Variants in PTPRN2 observed in about 807,000 individuals in gnomAD.
The protein encoded by PTPRN2 is receptor-type tyrosine-protein phosphatase N2.
Under a neutral mutation model 118.8 loss-of-function variants are expected in PTPRN2, and 74 were observed. The ratio of observed to expected loss-of-function variants is 0.62; its 90% CI spans 0.52 to 0.76. The LOEUF (loss-of-function observed/expected upper bound fraction) is 0.76, where lower values mean the gene tolerates loss of function less well. Among genes scored for constraint, PTPRN2 ranks in the 30% least tolerant of loss-of-function variants. The pLI, the probability that PTPRN2 is intolerant of heterozygous loss-of-function variation, is 0.00. For synonymous variants in PTPRN2, 641 were observed against 608.0 expected (o/e 1.05, Z -0.80); for missense variants, 1,481 against 1,394.4 (o/e 1.06, Z -0.99).
At chr7:158,145,149 G>A (rs941959616) in intron 6 of PTPRN2, among the ~76,000 whole-genome samples, 2 of 151,938 alleles carry the variant, frequency 1.3e-5, no homozygotes, top group East Asian at 1.9e-4. Flanking sequence ...ACCACGGCTC[G>A]GCAAGACTTC....
intron 2 of PTPRN2, among the ~76,000 whole-genome samples, chr7:158,332,611 C>A (rs536169014): frequency 6.6e-6 from 1 of 150,816 alleles, no homozygotes; most frequent in East Asian, 2.0e-4. Flanking sequence ...AGAAGTGACA[C>A]CTGCAGATGT....
At chr7:158,299,032 G>A (rs1800689463) in intron 3 of PTPRN2, among the ~76,000 whole-genome samples, 1 of 152,152 alleles carries the variant, frequency 6.6e-6, no homozygotes, top group African/African-American at 2.4e-5. Flanking sequence ...AAATCCAGCA[G>A]GATGTTCATG....
At chr7:157,998,426 C>T (rs1157844481) in intron 11 of PTPRN2, among the ~76,000 whole-genome samples, 7 of 152,166 alleles carry the variant, frequency 4.6e-5, no homozygotes, top group Non-Finnish European at 8.8e-5. Context: ...GCGTGAGACG[C>T]GGAGGAGCAG....
At position 157,933,496 on chromosome 7, in the gene PTPRN2, CTGAT is replaced by C. The variant is rs756091515; in HGVS notation, c.1724-34763_1724-34760del. Among the ~76,000 whole-genome samples the C allele has an allele frequency of 9.1e-5, 13 of 143,276 alleles. No homozygotes were observed. The South Asian group carries it at 1.4e-3, about 15-fold the overall frequency. 94.0% of individuals were successfully genotyped at this position (143,276 alleles called of 152,430 possible). ...AGTTTTAGAGGAGGGGTGAGTCACT[CTGAT>C]TGACAGCTTTAGAGGAAGGGTGAGT... On this transcript the variant is annotated intron_variant, in intron 11 of 22. Transcript: ENST00000389418.
At chr7:157,757,132 G>C (rs565780823) in intron 12 of PTPRN2, among the ~76,000 whole-genome samples, 2 of 151,040 alleles carry the variant, frequency 1.3e-5, no homozygotes, top group African/African-American at 4.9e-5. Flanking sequence ...ACCCCCTAAA[G>C]AGATCATTAT....
chr7:158,491,399 A>AC (rs1248141573), intron 1 of PTPRN2, among the ~76,000 whole-genome samples: 1 of 151,830 alleles, frequency 6.6e-6, no homozygotes, highest in African/African-American at 2.4e-5. Flanking sequence ...TGGACACCCC[A>AC]CCCATTGACG....
At chr7:158,201,151 G>A (rs1010984608) in intron 4 of PTPRN2, among the ~76,000 whole-genome samples, 1 of 151,746 alleles carries the variant, frequency 6.6e-6, no homozygotes, top group Non-Finnish European at 1.5e-5. Context: ...CCCGGGCTCA[G>A]GTGATCCTCT....
intron 2 of PTPRN2, among the ~76,000 whole-genome samples, chr7:158,399,663 GAAAGA>G (rs1172625055): frequency 2.0e-5 from 3 of 151,790 alleles, no homozygotes; most frequent in African/African-American, 4.8e-5. Context: ...CTCAAGAAAA[GAAAGA>G]AAAGAAAAGA....
At chr7:158,135,140 T>G (rs1818699500) in intron 8 of PTPRN2, among the ~76,000 whole-genome samples, 1 of 152,196 alleles carries the variant, frequency 6.6e-6, no homozygotes, top group African/African-American at 2.4e-5. Context: ...AACCATGAAA[T>G]TATATCTTCA....
rs551524503 is a variant in PTPRN2 at position 157,728,528 on chromosome 7, A to G, written c.1789-45591T>C. 2.4e-4 allele frequency among the ~76,000 whole-genome samples: 36 copies of G among 152,232 alleles called. No homozygotes were observed. In the South Asian group the frequency reaches 6.4e-3, roughly 27 times the overall value. ...AGCTTTAAAGTTCAAGGATAACTCAAATTGGATTTTAGAAATACAAAGTCT... is the reference window on the plus strand; with the variant it reads ...AGCTTTAAAGTTCAAGGATAACTCAGATTGGATTTTAGAAATACAAAGTCT... On this transcript the variant is annotated intron_variant, in intron 12 of 22. Transcript: ENST00000389418.
intron 12 of PTPRN2, among the ~76,000 whole-genome samples, chr7:157,878,549 G>T (rs1795926608): frequency 2.7e-5 from 4 of 148,988 alleles, no homozygotes; most frequent in Admixed American, 2.7e-4. Flanking sequence ...ACGGGTCAGT[G>T]TGATACCGTG....
chr7:158,369,268 T>TAC (rs59470664), intron 2 of PTPRN2, among the ~76,000 whole-genome samples: 2,037 of 144,906 alleles, frequency 0.014, 42 homozygotes, highest in African/African-American at 0.049. Flanking sequence ...TATACACACA[T>TAC]ACACACACAC....
At chr7:157,914,764 A>G (rs1425904422) in intron 11 of PTPRN2, among the ~76,000 whole-genome samples, 1 of 151,508 alleles carries the variant, frequency 6.6e-6, no homozygotes, top group African/African-American at 2.4e-5. Flanking sequence ...AGATCCTCCT[A>G]CTCTACTGCA....
intron 11 of PTPRN2, among the ~76,000 whole-genome samples, chr7:157,995,246 G>T (rs150154194): frequency 6.8e-6 from 1 of 147,900 alleles, no homozygotes. Flanking sequence ...CTAAATCAAC[G>T]CTGCATCCCC....
chr7:157,863,019 G>C (rs1414910422), intron 12 of PTPRN2: 1 of 152,288 alleles, frequency 6.6e-6, no homozygotes, highest in African/African-American at 2.4e-5. Flanking sequence ...GGCGGCACTT[G>C]GTGGGCAGTT....
In PTPRN2 at chr7:158,005,302, G is replaced by A. The variant is rs143505049; in HGVS notation, c.1723+75996C>T. Among the ~76,000 whole-genome samples, 1,085 of 152,138 alleles carry A rather than the reference G, an allele frequency of 7.1e-3. 13 individuals carry two copies. Among genetic ancestry groups the A allele is most frequent in the African/African-American group, 0.025 (1,041 of 41,478 alleles). On this transcript the variant is annotated intron_variant, in intron 11 of 22. Transcript: ENST00000389418. Reference sequence around the variant, plus strand: ...TTGGTCAGGCTGGTCTCGAACTCCCGACCTCATGTGATCCGCTCAACTCAG... The same window carrying A: ...TTGGTCAGGCTGGTCTCGAACTCCCAACCTCATGTGATCCGCTCAACTCAG...
intron 12 of PTPRN2, among the ~76,000 whole-genome samples, chr7:157,830,130 G>A (rs772974882): frequency 1.4e-5 from 2 of 147,110 alleles, no homozygotes; most frequent in East Asian, 2.1e-4. Context: ...CCCATGGGAA[G>A]TGCCAACCCT....
At chr7:158,140,391 T>C (rs2150466098) in intron 6 of PTPRN2, among the ~76,000 whole-genome samples, 1 of 152,154 alleles carries the variant, frequency 6.6e-6, no homozygotes, top group South Asian at 2.1e-4. Flanking sequence ...CCCGTAACCA[T>C]GAGAGTTAAA....
chr7:158,149,230 G>T (rs528076787), intron 6 of PTPRN2, among the ~76,000 whole-genome samples: 1 of 150,736 alleles, frequency 6.6e-6, no homozygotes, highest in Non-Finnish European at 1.5e-5. Flanking sequence ...TGCTCTCCAA[G>T]CTGGCACCAA....
Sources: gnomAD v4.1 joint callset for allele counts (sites outside exome capture counted in the v4.1 genomes callset) on GRCh38, gnomAD v4.1.1 for gene constraint, MANE v1.5 for transcripts, NCBI Gene and HGNC (gene_info 2026-07-23, HGNC 2026-07-21) for gene names.